FAM204A: variants seen among roughly 807,000 people sequenced by gnomAD.
FAM204A encodes protein FAM204A.
In FAM204A, 16 loss-of-function variants were observed where a neutral mutation model predicts 35.4. That is an observed-to-expected ratio of 0.45 (90% confidence interval 0.31 to 0.69). FAM204A has a LOEUF of 0.69. Ranked by LOEUF, FAM204A falls within the 30% of genes least tolerant of loss-of-function variation. The probability of loss-of-function intolerance (pLI) is 0.07; values close to 1 mark genes in which losing one functional copy is unlikely to be tolerated. For synonymous variants in FAM204A, 76 were observed against 86.9 expected, an observed-to-expected ratio of 0.88 and a Z score of 0.70; for missense variants, 240 against 265.7, an observed-to-expected ratio of 0.90 and a Z score of 0.67.
At chr10:118,318,838 T>C (rs142329924) in intron 7 of FAM204A, among the ~76,000 whole-genome samples, 2 of 152,036 alleles carry the variant, frequency 1.3e-5, no homozygotes, top group Non-Finnish European at 2.9e-5. Context: ...TGAGAACATC[T>C]CTAGTTCAAA....
At chr10:118,321,038 C>G (rs1400948033) in intron 7 of FAM204A, among the ~76,000 whole-genome samples, 1 of 151,610 alleles carries the variant, frequency 6.6e-6, no homozygotes, top group African/African-American at 2.4e-5. Context: ...AAATTAGTTT[C>G]ACTTATTATG....
rs958661083 is a variant in FAM204A at position 118,308,085 on chromosome 10, C to G, written c.*2772G>C. 1.6e-4 allele frequency: 25 copies of G among 152,180 alleles called. No homozygotes were observed. Among genetic ancestry groups the G allele is most frequent in the African/African-American group, 5.3e-4 (22 of 41,456 alleles). The allele number at this position is 152,180 out of a possible 1,614,324, so 9.4% of individuals were successfully genotyped here. ...CAGAAACATCCTGAGGGCTCCCAAA[C>G]AAGAATGCACTGCCAACTTCCCTTT... is the stretch of plus-strand genomic sequence containing the variant. On this transcript the variant is annotated 3_prime_UTR_variant, in exon 9 of 9. Transcript: ENST00000369183.
At chr10:118,323,178 GCTTGTTGAGTC>G (rs573796650) in intron 7 of FAM204A, among the ~76,000 whole-genome samples, 28 of 152,094 alleles carry the variant, frequency 1.8e-4, no homozygotes, top group Non-Finnish European at 4.0e-4. Flanking sequence ...TAGGACACCA[GCTTGTTGAGTC>G]CTGTGATCCT....
intron 6 of FAM204A, 186 bp from the exon 7 acceptor site, chr10:118,326,429 T>G: frequency 1.8e-6 from 1 of 550,888 alleles, no homozygotes; most frequent in Non-Finnish European, 3.1e-6. Context: ...ATGGCTTACC[T>G]GAGGTCATGT....
intron 5 of FAM204A, 77 bp downstream of exon 5, chr10:118,335,319 T>C: frequency 6.4e-7 from 1 of 1,557,034 alleles, no homozygotes; most frequent in Non-Finnish European, 8.7e-7. Flanking sequence ...TTCATATGTT[T>C]GATTACTATC....
rs570994414 is a variant in FAM204A, at chr10:118,331,886, A to T, written c.453+3228T>A. Among the ~76,000 whole-genome samples, 15 of 149,346 alleles carry T rather than the reference A, an allele frequency of 1.0e-4. No individual in the cohort carries two copies. The South Asian group carries it at 2.9e-3, about 29-fold the overall frequency. ...ATATAATCATACCCACTTAAAATCA[A>T]TTGAGTCGGCTGGGTGTGATGGCTC... On this transcript the variant is annotated intron_variant, in intron 6 of 8. Transcript: ENST00000369183.
Position 118,335,146 on chromosome 10 carries a change from C to A in FAM204A, c.421G>T (p.Asp141Tyr). ...ACTTTTTTCCTTTTAACAGGCGGGT[C>A]AAATCTATCATTGACTCCAAAATAC... is the stretch of plus-strand genomic sequence containing the variant. ...TQYFGVNDRFDPPVKRKKVEK... is the reference protein window; with the variant it reads ...TQYFGVNDRFYPPVKRKKVEK... Residue 141 changes from aspartate to tyrosine, a missense_variant, in exon 6 of 9, where the codon GAC (aspartate) becomes TAC (tyrosine). Around this residue, in one of 2 missense-constraint regions of FAM204A, gnomAD observed 232 missense variants for 242.8 expected, o/e 0.96. Coordinates refer to ENST00000369183, the MANE Select transcript of FAM204A (RefSeq NM_022063.3). 5 of 1,613,378 alleles carry A rather than the reference C, an allele frequency of 3.1e-6. No homozygotes were observed. Among genetic ancestry groups the A allele is most frequent in the Non-Finnish European group, 4.2e-6 (5 of 1,179,720 alleles).
chr10:118,310,501 A>G lies in FAM204A; in HGVS notation c.*356T>C. 5.2e-6 allele frequency: 1 copy of G among 192,986 alleles called. No individual in the cohort carries two copies. The allele number at this position is 192,986 out of a possible 1,614,324, so 12.0% of individuals were successfully genotyped here. A position where few individuals can be genotyped will look rare whatever the true frequency, so the allele number is the denominator to read the frequency against. ...GAGGCTCTGTCTCAAAAAAAAAAAA[A>G]AAAAGAAAGAAAGTACGAGAAGCTC... On this transcript the variant is annotated 3_prime_UTR_variant, in exon 9 of 9. Coordinates refer to ENST00000369183, the MANE Select transcript of FAM204A (RefSeq NM_022063.3).
rs1190144531 is a variant in FAM204A, at chr10:118,336,178, C to T, written c.234+4G>A. 3 of 1,612,012 alleles carry T rather than the reference C, an allele frequency of 1.9e-6. No homozygotes were observed. The highest frequency in any genetic ancestry group is 2.2e-5 in the East Asian group (1 of 44,878). On this transcript the variant is annotated splice_donor_region_variant and intron_variant, in intron 3 of 8. Transcript: ENST00000369183. ...GTAGCAAGAGCATTTCAGAGAAAAC[C>T]TACATTCCACATATCTATGGGAATT... is the stretch of plus-strand genomic sequence containing the variant.
chr10:118,331,047 A>G (rs897493207), intron 6 of FAM204A, among the ~76,000 whole-genome samples: 4 of 152,220 alleles, frequency 2.6e-5, no homozygotes, highest in African/African-American at 9.6e-5. Context: ...TTAAACCTAA[A>G]TATCAGGATA....
rs1327201181 is a variant in FAM204A at position 118,307,571 on chromosome 10, T to C, written c.*3286A>G. The C allele has an allele frequency of 1.3e-5, 2 of 152,342 alleles. No homozygotes were observed. The highest frequency in any genetic ancestry group is 4.8e-5 in the African/African-American group (2 of 41,588). The allele number at this position is 152,342 out of a possible 1,614,324, so 9.4% of individuals were successfully genotyped here. ...CTTTATCATCTCTTAAAAAATAATG[T>C]ACAACTCTCATTTTGTTTAAACAAC... On this transcript the variant is annotated 3_prime_UTR_variant, in exon 9 of 9. Coordinates refer to ENST00000369183, the MANE Select transcript of FAM204A (RefSeq NM_022063.3).
At chr10:118,340,120 G>A (rs1846451477) in intron 2 of FAM204A, among the ~76,000 whole-genome samples, 1 of 152,118 alleles carries the variant, frequency 6.6e-6, no homozygotes, top group African/African-American at 2.4e-5. Context: ...CATCATTACA[G>A]GAAAAGACCA....
chr10:118,322,429 C>A (rs1004687348), intron 7 of FAM204A: 2 of 454,776 alleles, frequency 4.4e-6, no homozygotes, highest in African/African-American at 4.0e-5. Context: ...AAATGCATAA[C>A]CTAAAACTAA....
chr10:118,314,015 G>C (rs1845992707), intron 7 of FAM204A, among the ~76,000 whole-genome samples: 1 of 152,138 alleles, frequency 6.6e-6, no homozygotes, highest in South Asian at 2.1e-4. Context: ...AAAGCTTTTA[G>C]TGCTCCAGCA....
chr10:118,312,464 G>A lies in FAM204A; in HGVS notation c.544-1151C>T, dbSNP rs537858870. On this transcript the variant is annotated intron_variant, in intron 7 of 8. Coordinates refer to ENST00000369183, the MANE Select transcript of FAM204A (RefSeq NM_022063.3). ...AACTTAGGAGAGCAAGGTTTGGCAC[G>A]CTTGACATGTCTTTCAGCTTAATCT... Among the ~76,000 whole-genome samples the A allele has an allele frequency of 5.9e-5, 9 of 152,292 alleles. No homozygotes were observed. The South Asian group carries it at 6.2e-4, about 11-fold the overall frequency.
rs72509970 is a variant in FAM204A, at chr10:118,303,810, CAAAAAGAA to C, written c.*7039_*7046del. Reference sequence around the variant, plus strand: ...CTGGCGACAGAGCAAGACTCCGTCTCAAAAAGAAAAAAAGAAAAAAAACAGCTCCTTTG... The same window carrying C: ...CTGGCGACAGAGCAAGACTCCGTCTCAAAAAGAAAAAAAACAGCTCCTTTG... On this transcript the variant is annotated 3_prime_UTR_variant, in exon 9 of 9. Transcript: ENST00000369183. 0.47 allele frequency: 70,508 copies of C among 151,356 alleles called. 18,159 individuals are homozygous for C. The highest frequency in any genetic ancestry group is 0.61 in the Middle Eastern group (177 of 290). The allele number at this position is 151,356 out of a possible 1,614,324, so 9.4% of individuals were successfully genotyped here. A position where few individuals can be genotyped will look rare whatever the true frequency, so the allele number is the denominator to read the frequency against.
chr10:118,319,044 T>C (rs1256296725), intron 7 of FAM204A, among the ~76,000 whole-genome samples: 1 of 151,914 alleles, frequency 6.6e-6, no homozygotes, highest in African/African-American at 2.4e-5. Flanking sequence ...AGTCAAACCC[T>C]TTCTCAAGGA....
rs1229207243 is a variant in FAM204A at position 118,309,850 on chromosome 10, CAT to C, written c.*1005_*1006del. The C allele has an allele frequency of 6.6e-6, 1 of 152,160 alleles. No homozygotes were observed. The highest frequency in any genetic ancestry group is 1.5e-5 in the Non-Finnish European group (1 of 68,030). 9.4% of individuals were successfully genotyped at this position (152,160 alleles called of 1,614,324 possible). On this transcript the variant is annotated 3_prime_UTR_variant, in exon 9 of 9. Transcript: ENST00000369183. Reference sequence around the variant, plus strand: ...AACCATCTCATAATTTAAAGAATGACATGGCTGAGAAAAATACTTAGGAAGAC... The same window carrying C: ...AACCATCTCATAATTTAAAGAATGACGGCTGAGAAAAATACTTAGGAAGAC...
At position 118,342,209 on chromosome 10, in the gene FAM204A, C is replaced by T. The variant is rs181437656; in HGVS notation, c.-210+61G>A. On this transcript the variant is annotated intron_variant, in intron 1 of 8. Coordinates refer to ENST00000369183, the MANE Select transcript of FAM204A (RefSeq NM_022063.3). Reference sequence around the variant, plus strand: ...CTCGGCTGCCCACAAGAGGCCCTCCCAGACTCATCATGCCGGAGCCCGAAC... The same window carrying T: ...CTCGGCTGCCCACAAGAGGCCCTCCTAGACTCATCATGCCGGAGCCCGAAC... The T allele has an allele frequency of 5.9e-5, 9 of 152,658 alleles. No homozygotes were observed. In the East Asian group the frequency reaches 1.7e-3, roughly 30 times the overall value. The allele number at this position is 152,658 out of a possible 1,614,324, so 9.5% of individuals were successfully genotyped here. A position where few individuals can be genotyped will look rare whatever the true frequency, so the allele number is the denominator to read the frequency against.
Sources: allele counts gnomAD v4.1 joint callset (sites outside exome capture counted in the v4.1 genomes callset), GRCh38; gene constraint gnomAD v4.1.1; regional missense constraint gnomAD v4.1.1; transcripts MANE v1.5; gene names NCBI Gene and HGNC (gene_info 2026-07-23, HGNC 2026-07-21).